Variants in PACRG observed in about 807,000 individuals in gnomAD.
The protein encoded by PACRG is parkin coregulated.
In PACRG, 29 loss-of-function variants were observed where a neutral mutation model predicts 29.7. The observed-to-expected ratio is 0.98, with a 90% CI of 0.73 to 1.33. The LOEUF is 1.33. Among genes scored for constraint, PACRG ranks in the 40% most tolerant of loss-of-function variants. PACRG has a pLI of 0.00. For synonymous variants in PACRG, 116 were observed against 118.7 expected (o/e 0.98, Z 0.15); for missense variants, 279 against 316.2 (o/e 0.88, Z 0.89).
intron 1 of PACRG, among the ~76,000 whole-genome samples, chr6:162,743,554 G>A (rs910186015): frequency 6.6e-6 from 1 of 151,840 alleles, no homozygotes; most frequent in East Asian, 1.9e-4. Context: ...TTCTTTGTAT[G>A]CTATCTCTCG....
chr6:162,763,083 C>T (rs1278105293), intron 1 of PACRG, among the ~76,000 whole-genome samples: 33 of 152,160 alleles, frequency 2.2e-4, no homozygotes. Flanking sequence ...TCACACAAAT[C>T]AGAAGTATCC....
At chr6:162,883,712 G>GTGTGTGTGTGTATA (rs148140118) in intron 2 of PACRG, among the ~76,000 whole-genome samples, 3 of 149,860 alleles carry the variant, frequency 2.0e-5, no homozygotes, top group Non-Finnish European at 4.4e-5. Context: ...GTGTGTGTGT[G>GTGTGTGTGTGTATA]TGTATGTATG....
chr6:163,281,037 T>A (rs892531798), intron 4 of PACRG, among the ~76,000 whole-genome samples: 1 of 152,060 alleles, frequency 6.6e-6, no homozygotes. Flanking sequence ...TCATTTGAAC[T>A]GAGATGAGCA....
At chr6:163,305,483 G>A (rs893095370) in intron 4 of PACRG, among the ~76,000 whole-genome samples, 6 of 152,126 alleles carry the variant, frequency 3.9e-5, no homozygotes, top group East Asian at 1.9e-4. Flanking sequence ...CAGCCTGCTC[G>A]TCTATCTTGT....
At chr6:162,829,967 G>C (rs576497410) in intron 2 of PACRG, among the ~76,000 whole-genome samples, 1 of 152,124 alleles carries the variant, frequency 6.6e-6, no homozygotes, top group Non-Finnish European at 1.5e-5. Flanking sequence ...AACCAATGTG[G>C]TATAGAAAGT....
intron 4 of PACRG, among the ~76,000 whole-genome samples, chr6:163,282,509 G>A (rs551196005): frequency 1.2e-4 from 18 of 152,146 alleles, no homozygotes; most frequent in African/African-American, 3.1e-4. Flanking sequence ...TCAGGAGTTC[G>A]AGACCAGCCT....
chr6:163,076,318 A>T (rs541242974), intron 3 of PACRG, among the ~76,000 whole-genome samples: 1 of 152,310 alleles, frequency 6.6e-6, no homozygotes, highest in East Asian at 1.9e-4. Context: ...CAGCTAAGGC[A>T]GAGCTTACAT....
At chr6:163,127,412 G>C (rs1816562058) in intron 4 of PACRG, among the ~76,000 whole-genome samples, 1 of 152,204 alleles carries the variant, frequency 6.6e-6, no homozygotes, top group African/African-American at 2.4e-5. Context: ...GCCATGGAGA[G>C]AGAACAAGCT....
chr6:163,080,206 T>G (rs1812956828), intron 3 of PACRG, among the ~76,000 whole-genome samples: 1 of 152,022 alleles, frequency 6.6e-6, no homozygotes. Context: ...CCCTAGTCAT[T>G]CTTAGAAGTA....
chr6:163,150,088 G>T (rs1778016014), intron 4 of PACRG, among the ~76,000 whole-genome samples: 1 of 152,124 alleles, frequency 6.6e-6, no homozygotes, highest in Admixed American at 6.5e-5. Flanking sequence ...CCCTCAACCC[G>T]CAAACCGGCG....
intron 2 of PACRG, among the ~76,000 whole-genome samples, chr6:162,852,005 G>GAGGAAGGAAGGAAGGAAAGGA: frequency 8.6e-6 from 1 of 116,112 alleles, no homozygotes; most frequent in South Asian, 2.8e-4. Context: ...GGGAGGGAGG[G>GAGGAAGGAAGGAAGGAAAGGA]AGGAAGGAAG....
chr6:162,778,134 A>G (rs751451252), intron 1 of PACRG, among the ~76,000 whole-genome samples: 2 of 152,170 alleles, frequency 1.3e-5, no homozygotes, highest in Non-Finnish European at 2.9e-5. Context: ...GGGGGAGGAA[A>G]CAGGTGTGAG....
chr6:162,842,632 T>C (rs1335804787), intron 2 of PACRG, among the ~76,000 whole-genome samples: 2 of 105,376 alleles, frequency 1.9e-5, no homozygotes, highest in East Asian at 6.1e-4. Context: ...AATTTGATCC[T>C]GTCATTATGA....
chr6:163,085,434 C>T (rs1333160846), intron 3 of PACRG, among the ~76,000 whole-genome samples: 7 of 152,164 alleles, frequency 4.6e-5, no homozygotes, highest in African/African-American at 1.4e-4. Context: ...CCCAGGGATT[C>T]TTGAGCTTGG....
At chr6:162,794,668 T>C (rs1013487472) in intron 1 of PACRG, among the ~76,000 whole-genome samples, 2 of 152,218 alleles carry the variant, frequency 1.3e-5, no homozygotes, top group African/African-American at 4.8e-5. Context: ...TATGCAGTTG[T>C]CCCGCACCAT....
At chr6:162,857,534 C>T (rs1791504577) in intron 2 of PACRG, among the ~76,000 whole-genome samples, 1 of 152,196 alleles carries the variant, frequency 6.6e-6, no homozygotes, top group East Asian at 1.9e-4. Context: ...CATTCTCATG[C>T]ACCCAGGAAG....
At chr6:163,033,118 A>G (rs1807823819) in intron 2 of PACRG, among the ~76,000 whole-genome samples, 1 of 152,190 alleles carries the variant, frequency 6.6e-6, no homozygotes, top group African/African-American at 2.4e-5. Flanking sequence ...ATAATCTTTT[A>G]CCAAAAACAC....
intron 4 of PACRG, among the ~76,000 whole-genome samples, chr6:163,209,707 C>G (rs1284216394): frequency 1.3e-5 from 2 of 152,170 alleles, no homozygotes; most frequent in African/African-American, 4.8e-5. Flanking sequence ...AACAAGACAA[C>G]ATATCCAAGC....
intron 4 of PACRG, among the ~76,000 whole-genome samples, chr6:163,112,708 C>A (rs1009894161): frequency 2.0e-5 from 3 of 152,168 alleles, no homozygotes; most frequent in Non-Finnish European, 2.9e-5. Flanking sequence ...AGGTTTACAC[C>A]TCAGGCTGGT....
Sources: gnomAD v4.1 joint callset for allele counts (sites outside exome capture counted in the v4.1 genomes callset) on GRCh38, gnomAD v4.1.1 for gene constraint, MANE v1.5 for transcripts, NCBI Gene and HGNC (gene_info 2026-07-23, HGNC 2026-07-21) for gene names.